HSPA4L: variants seen among roughly 807,000 people sequenced by gnomAD.
The protein encoded by HSPA4L is heat shock 70 kDa protein 4L.
A neutral mutation model predicts 100.3 loss-of-function variants in HSPA4L; 48 were observed. That is an observed-to-expected ratio of 0.48 (90% CI 0.38 to 0.61). The LOEUF (loss-of-function observed/expected upper bound fraction) is 0.61, where lower values mean the gene tolerates loss of function less well. HSPA4L is among the 20% of genes least tolerant of loss of function. The pLI is 0.00. For synonymous variants in HSPA4L, 319 were observed against 328.2 expected (o/e 0.97, Z 0.30); for missense variants, 886 against 988.6 (o/e 0.90, Z 1.39).
chr4:127,805,826 G>C, intron 10 of HSPA4L, 33 bp downstream of exon 10: 1 of 1,414,002 alleles, frequency 7.1e-7, no homozygotes, highest in Non-Finnish European at 9.9e-7. Context: ...ATTAGAGCTT[G>C]TCATAAATCT....
intron 12 of HSPA4L, among the ~76,000 whole-genome samples, chr4:127,817,738 T>G (rs1733704524): frequency 6.6e-6 from 1 of 152,224 alleles, no homozygotes; most frequent in Non-Finnish European, 1.5e-5. Context: ...CATTTTACAA[T>G]TTAAAGATAT....
chr4:127,804,045 G>T lies in HSPA4L; in HGVS notation c.943G>T (p.Ala315Ser). ...QFEQLCASLL[A>S]RVEPPLKAVM... ...TGAACAACTGTGTGCTTCCCTTTTG[G>T]CCAGGGTTGAACCACCTTTAAAAGC... Residue 315 changes from alanine to serine, a missense_variant, in exon 8 of 19, where the codon GCC becomes TCC. Physicochemically the swap from Ala to Ser is moderately conservative, Grantham distance 99. Coordinates refer to ENST00000296464, the MANE Select transcript of HSPA4L (RefSeq NM_014278.4). 1 of 1,613,932 alleles carries T rather than the reference G, an allele frequency of 6.2e-7. No individual in the cohort carries two copies. Among genetic ancestry groups the T allele is most frequent in the African/African-American group, 1.3e-5 (1 of 74,994 alleles).
intron 14 of HSPA4L, 66 bp from the exon 15 acceptor site, chr4:127,822,703 G>C: frequency 6.7e-7 from 1 of 1,481,778 alleles, no homozygotes; most frequent in Non-Finnish European, 9.3e-7. Context: ...GTGGTATCTT[G>C]TGGTTTTGAT....
rs1297470976 is a variant in HSPA4L at position 127,839,450 on chromosome 4, TG to T, written c.*6578del. 1.3e-5 allele frequency: 2 copies of T among 152,004 alleles called. No individual in the cohort carries two copies. The highest frequency in any genetic ancestry group is 2.9e-5 in the Non-Finnish European group (2 of 68,046). The allele number at this position is 152,004 out of a possible 1,614,324, so 9.4% of individuals were successfully genotyped here. On this transcript the variant is annotated 3_prime_UTR_variant, in exon 19 of 19. Coordinates refer to ENST00000296464, the MANE Select transcript of HSPA4L (RefSeq NM_014278.4). ...AAAAATACAAAAAATTAGCTGGGTG[TG>T]GTGGTGTGTGCCTGTAGTCCCAGCT...
chr4:127,783,347 G>T (rs1362437782), intron 1 of HSPA4L, among the ~76,000 whole-genome samples: 1 of 152,084 alleles, frequency 6.6e-6, no homozygotes, highest in Admixed American at 6.5e-5. Flanking sequence ...TGGTAACTAC[G>T]TCAGTTGCTG....
intron 2 of HSPA4L, among the ~76,000 whole-genome samples, 165 bp from the exon 3 acceptor site, chr4:127,795,603 G>A (rs140899762): frequency 6.3e-4 from 96 of 152,212 alleles, no homozygotes; most frequent in Non-Finnish European, 1.0e-3. Flanking sequence ...CATTCTCATT[G>A]TATGACTTTA....
At chr4:127,784,486 A>G (rs1732656497) in intron 1 of HSPA4L, among the ~76,000 whole-genome samples, 1 of 152,190 alleles carries the variant, frequency 6.6e-6, no homozygotes, top group African/African-American at 2.4e-5. Flanking sequence ...GTAATGTGAT[A>G]TTTCTGATTT....
rs1734324835 is a variant in HSPA4L, at chr4:127,839,965, T to C, written c.*7091T>C. Reference sequence around the variant, plus strand: ...TTTCTCCAACCATTATTAAAATAACTTGACACTTTGGGAGGCCAAGCTGGG... The same window carrying C: ...TTTCTCCAACCATTATTAAAATAACCTGACACTTTGGGAGGCCAAGCTGGG... On this transcript the variant is annotated 3_prime_UTR_variant, in exon 19 of 19. Transcript: ENST00000296464. The C allele has an allele frequency of 6.6e-6, 1 of 152,052 alleles. No homozygotes were observed. The highest frequency in any genetic ancestry group is 2.4e-5 in the African/African-American group (1 of 41,404). The allele number at this position is 152,052 out of a possible 1,614,324, so 9.4% of individuals were successfully genotyped here.
In HSPA4L at chr4:127,785,562, C is replaced by CGG. The variant is rs1396545416; in HGVS notation, c.107+2906_107+2907insGG. 3.9e-5 allele frequency among the ~76,000 whole-genome samples: 6 copies of CGG among 151,928 alleles called. No homozygotes were observed. In the East Asian group the frequency reaches 1.2e-3, roughly 29 times the overall value. On this transcript the variant is annotated intron_variant, in intron 1 of 18. Transcript: ENST00000296464. The stretch of plus-strand genomic sequence containing the variant: ...AAGCGATTCTCCTGCCTCAGCCTCC[C>CGG]GAGTAGCTGGAATTACAGGCAACGA...
At chr4:127,824,722 G>A (rs1463605508) in intron 16 of HSPA4L, among the ~76,000 whole-genome samples, 1 of 152,092 alleles carries the variant, frequency 6.6e-6, no homozygotes, top group African/African-American at 2.4e-5. Context: ...GAATTTTAAC[G>A]TCCTTTCACA....
In HSPA4L at chr4:127,837,378, A is replaced by G. The variant is rs1455504436; in HGVS notation, c.*4504A>G. 1 of 152,254 alleles carries G rather than the reference A, an allele frequency of 6.6e-6. No homozygotes were observed. Among genetic ancestry groups the G allele is most frequent in the African/African-American group, 2.4e-5 (1 of 41,476 alleles). 9.4% of individuals were successfully genotyped at this position (152,254 alleles called of 1,614,324 possible). A position where few individuals can be genotyped will look rare whatever the true frequency, so the allele number is the denominator to read the frequency against. On this transcript the variant is annotated 3_prime_UTR_variant, in exon 19 of 19. Coordinates refer to ENST00000296464, the MANE Select transcript of HSPA4L (RefSeq NM_014278.4). The stretch of plus-strand genomic sequence containing the variant: ...TAATGAGAGGCACAGCTAATTGTAC[A>G]TATCAATATACATTTAAAATCTGGT...
intron 2 of HSPA4L, among the ~76,000 whole-genome samples, chr4:127,794,753 TCA>T (rs1295395547): frequency 6.6e-6 from 1 of 152,078 alleles, no homozygotes; most frequent in African/African-American, 2.4e-5. Context: ...TCTAAGTGTG[TCA>T]CAGATAATCA....
At chr4:127,830,547 A>G in intron 17 of HSPA4L, 91 bp from the exon 18 acceptor site, 2 of 949,356 alleles carry the variant, frequency 2.1e-6, no homozygotes, top group East Asian at 2.7e-5. Flanking sequence ...ACAGTCAATA[A>G]GAGTCTAAAT....
At chr4:127,822,945 C>G in intron 15 of HSPA4L, 51 bp downstream of exon 15, 1 of 1,536,364 alleles carries the variant, frequency 6.5e-7, no homozygotes, top group South Asian at 1.2e-5. Flanking sequence ...AAGGTTTACT[C>G]GAGAATGCTA....
At chr4:127,820,317 TTAAAA>T in intron 13 of HSPA4L, 106 bp from the exon 14 acceptor site, 1 of 902,514 alleles carries the variant, frequency 1.1e-6, no homozygotes, top group Non-Finnish European at 1.6e-6. Flanking sequence ...AGGTAGTACT[TTAAAA>T]TAAATATAAC....
At position 127,786,316 on chromosome 4, in the gene HSPA4L, A is replaced by G. The variant is rs146917343; in HGVS notation, c.107+3659A>G. 1.8e-4 allele frequency among the ~76,000 whole-genome samples: 27 copies of G among 152,334 alleles called. No individual in the cohort carries two copies. In the East Asian group the frequency reaches 4.4e-3, roughly 25 times the overall value. Reference sequence around the variant, plus strand: ...CAGTATCCATTGTTGTAAGGATGGCATATACGTAACTAGGTTAATGATGAA... The same window carrying G: ...CAGTATCCATTGTTGTAAGGATGGCGTATACGTAACTAGGTTAATGATGAA... On this transcript the variant is annotated intron_variant, in intron 1 of 18. Transcript: ENST00000296464.
Position 127,832,746 on chromosome 4 carries a change from G to A in HSPA4L, c.2392G>A (p.Asp798Asn), listed in dbSNP as rs1205849273. Reference protein sequence around the residue: ...KPKPKAEVPEDKPKANSEHNG... With the variant: ...KPKPKAEVPENKPKANSEHNG... ...CAAACCAAAAGCAGAAGTTCCTGAA[G>A]ACAAACCAAAAGCTAATAGTGAACA... The change falls in exon 19 of 19, where the codon GAC becomes AAC. Residue 798 changes from aspartate to asparagine, a missense_variant. Asp to Asn is a conservative substitution (Grantham distance 23). Transcript: ENST00000296464. 6.2e-7 allele frequency: 1 copy of A among 1,613,340 alleles called. No homozygotes were observed. The highest frequency in any genetic ancestry group is 2.2e-5 in the East Asian group (1 of 44,846).
intron 1 of HSPA4L, among the ~76,000 whole-genome samples, chr4:127,793,237 C>CTCCTT (rs1248350075): frequency 1.3e-5 from 2 of 152,146 alleles, no homozygotes; most frequent in Admixed American, 6.5e-5. Flanking sequence ...AATGTTTTCC[C>CTCCTT]TCAAGTCCTA....
chr4:127,818,489 T>G (rs1409204630), intron 13 of HSPA4L, 69 bp downstream of exon 13: 1 of 926,308 alleles, frequency 1.1e-6, no homozygotes, highest in African/African-American at 1.7e-5. Context: ...ATTTAATGCT[T>G]TCTTTTAACG....
Sources: allele counts gnomAD v4.1 joint callset (sites outside exome capture counted in the v4.1 genomes callset), GRCh38; gene constraint gnomAD v4.1.1; transcripts MANE v1.5; gene names NCBI Gene and HGNC (gene_info 2026-07-23, HGNC 2026-07-21).